The following COMTD1 variants were observed in gnomAD, a reference collection of about 807,000 sequenced individuals.
COMTD1 encodes the protein catechol-O-methyltransferase domain containing 1.
A neutral mutation model predicts 33.6 loss-of-function variants in COMTD1; 35 were observed. That is an observed-to-expected ratio of 1.04 (90% CI 0.80 to 1.38). COMTD1 has a LOEUF of 1.38. Among genes scored for constraint, COMTD1 ranks in the 40% most tolerant of loss-of-function variants. COMTD1 has a pLI of 0.00. For synonymous variants in COMTD1, 160 were observed against 176.8 expected (o/e 0.91, Z 0.75); for missense variants, 370 against 363.4 (o/e 1.02, Z -0.15).
Position 75,234,701 on chromosome 10 carries a change from G to A in COMTD1, c.545C>T (p.Ala182Val). Residue 182 changes from alanine (A) to valine (V), a missense_variant, in exon 6 of 7, where the codon GCC becomes GTC. Transcript: ENST00000372538. ...GTTCTCCTTGTCCGCATCCACCACGGCCACGTCGAAGGTGCCGGCCTCGCC... is the reference window on the plus strand; with the variant it reads ...GTTCTCCTTGTCCGCATCCACCACGACCACGTCGAAGGTGCCGGCCTCGCC... ...AAGEAGTFDV[A>V]VVDADKENCS... is the part of the protein sequence containing the mutation. The A allele has an allele frequency of 6.3e-7, 1 of 1,592,650 alleles. No homozygotes were observed. Among genetic ancestry groups the A allele is most frequent in the East Asian group, 2.3e-5 (1 of 43,662 alleles).
Position 75,235,709 on chromosome 10 carries a change from C to A in COMTD1, c.129G>T (p.Glu43Asp). The A allele has an allele frequency of 6.3e-7, 1 of 1,599,820 alleles. No individual in the cohort carries two copies. The highest frequency in any genetic ancestry group is 8.5e-7 in the Non-Finnish European group (1 of 1,174,698). Residue 43 changes from glutamate to aspartate, a missense_variant, in exon 2 of 7, where the codon GAG (glutamate) becomes GAT (aspartate). Physicochemically the swap from Glu to Asp is conservative, Grantham distance 45 (BLOSUM62 2). Transcript: ENST00000372538. Reference protein sequence around the residue: ...RRCPPWRGRREQCLLPPEDSR... With the variant: ...RRCPPWRGRRDQCLLPPEDSR... The stretch of plus-strand genomic sequence containing the variant: ...TGTCCTCGGGGGGAAGCAGGCACTG[C>A]TCTCGCCGGCCTCGCCATGGGGGGC...
At position 75,233,779 on chromosome 10, in the gene COMTD1, C is replaced by T. The variant is rs1414932289; in HGVS notation, c.*294G>A. ...AGCCCGAGGTGCTGGGGTCTCTGGC[C>T]ATTACACGTGGCCAGGCCAGTTAAA... On this transcript the variant is annotated 3_prime_UTR_variant, in exon 7 of 7. Transcript: ENST00000372538. 1.3e-5 allele frequency among the ~76,000 whole-genome samples: 2 copies of T among 152,236 alleles called. No individual in the cohort carries two copies. The highest frequency in any genetic ancestry group is 2.9e-5 in the Non-Finnish European group (2 of 68,026).
At chr10:75,234,446 A>G in intron 6 of COMTD1, 164 bp downstream of exon 6, 4 of 1,209,802 alleles carry the variant, frequency 3.3e-6, no homozygotes, top group Non-Finnish European at 2.3e-6. Context: ...CTGGAGACAG[A>G]ACCAAAGCGG....
At position 75,234,443 on chromosome 10, in the gene COMTD1, C is replaced by T. The variant is rs1408791555; in HGVS notation, c.636+167G>A. On this transcript the variant is annotated intron_variant, in intron 6 of 6. Transcript: ENST00000372538. ...GGCAGGAGGTGACCAGAGCTGGAGA[C>T]AGAACCAAAGCGGAGGAAAGCCTGG... The T allele has an allele frequency of 2.5e-6, 3 of 1,202,830 alleles. No individual in the cohort carries two copies. The African/African-American group carries it at 4.6e-5, about 19-fold the overall frequency. The allele number at this position is 1,202,830 out of a possible 1,614,324, so 74.5% of individuals were successfully genotyped here.
chr10:75,235,487 C>T, intron 2 of COMTD1, 115 bp from the exon 3 acceptor site: 1 of 1,363,224 alleles, frequency 7.3e-7, no homozygotes, highest in Non-Finnish European at 9.7e-7. Context: ...CCCTTCGGAA[C>T]GCCCACCGCA....
intron 5 of COMTD1, 79 bp downstream of exon 5, chr10:75,234,859 A>G: frequency 6.5e-7 from 1 of 1,530,392 alleles, no homozygotes; most frequent in Non-Finnish European, 8.8e-7. Flanking sequence ...CCTGCCCGGC[A>G]GGCCCAGTCA....
Position 75,235,248 on chromosome 10 carries a change from C to A in COMTD1, c.328+19G>T. ...CCCGGAAACCTCGGCCCTCCGGGAT[C>A]CCGGCCGCGTGCCCCTACCCAGGTC... On this transcript the variant is annotated intron_variant, in intron 3 of 6. Transcript: ENST00000372538. 1 of 1,503,714 alleles carries A rather than the reference C, an allele frequency of 6.7e-7. No individual in the cohort carries two copies. The highest frequency in any genetic ancestry group is 2.5e-5 in the East Asian group (1 of 40,038). The allele number at this position is 1,503,714 out of a possible 1,614,324, so 93.1% of individuals were successfully genotyped here.
chr10:75,235,282 TC>T lies in COMTD1; in HGVS notation c.312del (p.Lys105ArgfsTer27). 6.3e-7 allele frequency: 1 copy of T among 1,580,060 alleles called. No individual in the cohort carries two copies. Among genetic ancestry groups the T allele is most frequent in the Non-Finnish European group, 8.6e-7 (1 of 1,166,508 alleles). On this transcript the variant is annotated frameshift_variant, in exon 3 of 7. Transcript: ENST00000372538. LOFTEE classifies it high-confidence loss of function. Reference sequence around the variant, plus strand: ...GTGCCCCTACCCAGGTCCAGCGCCTTCTTGGCCTGGATGAGCCGCGCCAGGT... The same window carrying T: ...GTGCCCCTACCCAGGTCCAGCGCCTTTTGGCCTGGATGAGCCGCGCCAGGT... ...LANLARLIQA[K>X]KALDLGTFTG...
At chr10:75,235,413 C>A in intron 2 of COMTD1, 41 bp from the exon 3 acceptor site, 2 of 1,440,084 alleles carry the variant, frequency 1.4e-6, no homozygotes, top group Non-Finnish European at 1.9e-6. Flanking sequence ...TGCAGGTCAC[C>A]CACCTTCGCC....
chr10:75,235,348 C>A lies in COMTD1; in HGVS notation c.247G>T (p.Asp83Tyr). 1.3e-6 allele frequency: 2 copies of A among 1,584,674 alleles called. No individual in the cohort carries two copies. The highest frequency in any genetic ancestry group is 1.7e-6 in the Non-Finnish European group (2 of 1,168,752). Residue 83 changes from aspartate (D) to tyrosine (Y), a missense_variant, in exon 3 of 7, where the codon GAT becomes TAT. By Grantham distance (160) the Asp-to-Tyr change is radical (BLOSUM62 -3). Coordinates refer to ENST00000372538, the MANE Select transcript of COMTD1 (RefSeq NM_144589.4). ...RLLTLEQPQG[D>Y]SMMTCEQAQL... ...GCCTGCTCGCAGGTCATCATAGAAT[C>A]CCCCTGCGGCTGCTCCAGGGTCAGC...
intron 6 of COMTD1, 42 bp from the exon 7 acceptor site, chr10:75,234,267 T>G: frequency 2.5e-6 from 4 of 1,576,360 alleles, no homozygotes; most frequent in Non-Finnish European, 3.4e-6. Context: ...GAGGCGGGGC[T>G]TCGGAGGGAG....
Position 75,234,650 on chromosome 10 carries a change from A to T in COMTD1, c.596T>A (p.Leu199Gln). ...ENCSAYYERC[L>Q]QLLRPGGILA... is the part of the protein sequence containing the mutation. ...GATGCCTCCGGGTCGCAGCAGCTGC[A>T]GGCAGCGCTCGTAGTAGGCGGAGCA... Residue 199 changes from leucine to glutamine, a missense_variant, in exon 6 of 7, where the codon CTG (leucine) becomes CAG (glutamine). By Grantham distance (113) the Leu-to-Gln change is moderately radical (BLOSUM62 -2). Coordinates refer to ENST00000372538, the MANE Select transcript of COMTD1 (RefSeq NM_144589.4). 1 of 1,569,540 alleles carries T rather than the reference A, an allele frequency of 6.4e-7. No homozygotes were observed. The highest frequency in any genetic ancestry group is 2.4e-5 in the East Asian group (1 of 42,084).
At chr10:75,234,846 T>C (rs985696090) in intron 5 of COMTD1, 92 bp downstream of exon 5, 1 of 1,530,228 alleles carries the variant, frequency 6.5e-7, no homozygotes, top group Admixed American at 2.1e-5. Context: ...GCCCTGCCCT[T>C]AACCTGCCCG....
At chr10:75,234,308 G>A (rs1374490099) in intron 6 of COMTD1, 83 bp from the exon 7 acceptor site, 20 of 1,419,218 alleles carry the variant, frequency 1.4e-5, no homozygotes, top group Non-Finnish European at 1.9e-5. Flanking sequence ...GGACTGGGAG[G>A]GAGGTGCCCG....
chr10:75,235,217 G>T, intron 3 of COMTD1, 39 bp from the exon 4 acceptor site: 1 of 1,464,764 alleles, frequency 6.8e-7, no homozygotes, highest in East Asian at 2.6e-5. Context: ...CCAGAGTGGG[G>T]GTCGGCCCGG....
intron 2 of COMTD1, 91 bp from the exon 3 acceptor site, chr10:75,235,463 G>A: frequency 7.4e-7 from 1 of 1,342,980 alleles, no homozygotes; most frequent in African/African-American, 1.5e-5. Context: ...TCTGGGCGTG[G>A]CCTGGGGGAC....
At position 75,233,988 on chromosome 10, in the gene COMTD1, A is replaced by T; in HGVS notation, c.*85T>A. 1 of 1,607,326 alleles carries T rather than the reference A, an allele frequency of 6.2e-7. No individual in the cohort carries two copies. The highest frequency in any genetic ancestry group is 1.1e-5 in the South Asian group (1 of 90,814). On this transcript the variant is annotated 3_prime_UTR_variant, in exon 7 of 7. Transcript: ENST00000372538. ...TCAGGAGGTCGTGTGTCCCAGCCCC[A>T]CTTTATTTTCGAATTTAAAACTCAG...
rs1360718639 is a variant in COMTD1, at chr10:75,235,676, C to G, written c.162G>C (p.Leu54=). 6.3e-7 allele frequency: 1 copy of G among 1,597,918 alleles called. No individual in the cohort carries two copies. The highest frequency in any genetic ancestry group is 8.5e-7 in the Non-Finnish European group (1 of 1,173,944). Residue 54 remains leucine, a synonymous_variant, in exon 2 of 7, where the codon CTG becomes CTC. Transcript: ENST00000372538. ...TGGAGCGGCTCAGAAGATACTGCCA[C>G]AGGCGGCTGTCCTCGGGGGGAAGCA... The part of the protein sequence containing the change: ...QCLLPPEDSR[L]WQYLLSRSMR...
In COMTD1 at chr10:75,233,772, C is replaced by A. The variant is rs887318943; in HGVS notation, c.*301G>T. Among the ~76,000 whole-genome samples the A allele has an allele frequency of 6.6e-6, 1 of 152,254 alleles. No individual in the cohort carries two copies. The highest frequency in any genetic ancestry group is 1.5e-5 in the Non-Finnish European group (1 of 68,046). Reference sequence around the variant, plus strand: ...GCAGACAAGCCCGAGGTGCTGGGGTCTCTGGCCATTACACGTGGCCAGGCC... The same window carrying A: ...GCAGACAAGCCCGAGGTGCTGGGGTATCTGGCCATTACACGTGGCCAGGCC... On this transcript the variant is annotated 3_prime_UTR_variant, in exon 7 of 7. Coordinates refer to ENST00000372538, the MANE Select transcript of COMTD1 (RefSeq NM_144589.4).
Sources: gnomAD v4.1 joint callset for allele counts (sites outside exome capture counted in the v4.1 genomes callset) on GRCh38, gnomAD v4.1.1 for gene constraint, MANE v1.5 for transcripts, NCBI Gene and HGNC (gene_info 2026-07-23, HGNC 2026-07-21) for gene names.